The following RBM47 variants were observed in gnomAD, a reference collection of about 807,000 sequenced individuals.
The protein encoded by RBM47 is RNA binding motif protein 47.
A neutral mutation model predicts 47.1 loss-of-function variants in RBM47; 21 were observed. The ratio of observed to expected loss-of-function variants is 0.45; its 90% CI spans 0.32 to 0.64. The LOEUF (loss-of-function observed/expected upper bound fraction) is 0.64, where lower values mean the gene tolerates loss of function less well. Ranked by LOEUF, RBM47 falls within the 30% of genes least tolerant of loss-of-function variation. RBM47 has a pLI of 0.05. For missense variants in RBM47, 708 were observed against 870.9 expected (o/e 0.81, Z 2.35); for synonymous variants, 375 against 361.7 (o/e 1.04, Z -0.42).
chr4:40,569,295 CA>C (rs1385390317), intron 1 of RBM47, among the ~76,000 whole-genome samples: 1 of 151,912 alleles, frequency 6.6e-6, no homozygotes. Context: ...GAGTTTTCTT[CA>C]AAGGGCTAGC....
At chr4:40,448,181 G>A (rs2154218044) in intron 3 of RBM47, among the ~76,000 whole-genome samples, 1 of 152,128 alleles carries the variant, frequency 6.6e-6, no homozygotes, top group South Asian at 2.1e-4. Context: ...GGGTGACAGA[G>A]TGAGACTCCA....
intron 1 of RBM47, among the ~76,000 whole-genome samples, chr4:40,583,968 C>G (rs1733285837): frequency 6.6e-6 from 1 of 151,690 alleles, no homozygotes; most frequent in Non-Finnish European, 1.5e-5. Context: ...AATCTACCAT[C>G]AAACTCTGCA....
At chr4:40,506,011 C>T (rs1261966197) in intron 2 of RBM47, among the ~76,000 whole-genome samples, 2 of 152,170 alleles carry the variant, frequency 1.3e-5, no homozygotes, top group Admixed American at 1.3e-4. Flanking sequence ...GGGCAGTGAG[C>T]TGTAACCTTC....
intron 1 of RBM47, among the ~76,000 whole-genome samples, chr4:40,622,293 G>T (rs1302669105): frequency 6.6e-6 from 1 of 152,204 alleles, no homozygotes; most frequent in East Asian, 1.9e-4. Flanking sequence ...TAACCTGGAG[G>T]AGGCAGAGCA....
chr4:40,523,532 TC>T (rs1382962902), intron 2 of RBM47, among the ~76,000 whole-genome samples: 4 of 151,938 alleles, frequency 2.6e-5, no homozygotes, highest in Admixed American at 2.6e-4. Context: ...GCACCTGTAA[TC>T]CTAGCTACTC....
chr4:40,525,016 A>G (rs533469904), intron 2 of RBM47, among the ~76,000 whole-genome samples: 9 of 152,340 alleles, frequency 5.9e-5, no homozygotes, highest in Non-Finnish European at 1.3e-4. Flanking sequence ...AAATATTTTT[A>G]TGATCCAGTA....
Position 40,527,436 on chromosome 4 carries a change from A to ATTT in RBM47, c.-155+16983_-155+16985dup, listed in dbSNP as rs60524903. ...CAAGTAGCTGAGATCACACCTGGCA[A>ATTT]TTTTTTTTTTTTTTTTTTTTTTTTT... On this transcript the variant is annotated intron_variant, in intron 2 of 6. Transcript: ENST00000295971. Among the ~76,000 whole-genome samples the ATTT allele has an allele frequency of 9.4e-4, 98 of 104,694 alleles. 1 individual carries two copies. Among genetic ancestry groups the ATTT allele is most frequent in the African/African-American group, 2.8e-3 (71 of 25,794 alleles). 68.7% of individuals were successfully genotyped at this position (104,694 alleles called of 152,430 possible). A position where few individuals can be genotyped will look rare whatever the true frequency, so the allele number is the denominator to read the frequency against.
intron 1 of RBM47, among the ~76,000 whole-genome samples, chr4:40,569,053 A>G (rs1731422023): frequency 8.0e-6 from 1 of 124,574 alleles, no homozygotes; most frequent in Non-Finnish European, 1.7e-5. Context: ...ACAGACAGAT[A>G]GATAGATAGT....
chr4:40,445,621 G>C (rs978252305), intron 3 of RBM47, among the ~76,000 whole-genome samples: 1 of 152,190 alleles, frequency 6.6e-6, no homozygotes, highest in Non-Finnish European at 1.5e-5. Flanking sequence ...ATGCCAAATA[G>C]GTGAGAATTG....
At chr4:40,513,840 T>C (rs1355642364) in intron 2 of RBM47, among the ~76,000 whole-genome samples, 1 of 152,024 alleles carries the variant, frequency 6.6e-6, no homozygotes, top group South Asian at 2.1e-4. Context: ...TGCCTCAGCC[T>C]CCTGAGTAGC....
chr4:40,436,376 C>T (rs899735325), intron 5 of RBM47, 65 bp downstream of exon 5: 19 of 1,490,232 alleles, frequency 1.3e-5, no homozygotes, highest in Middle Eastern at 1.7e-4. Context: ...CGCTTGGATT[C>T]ACTTCAAACA....
intron 2 of RBM47, among the ~76,000 whole-genome samples, chr4:40,491,416 G>A: frequency 6.6e-6 from 1 of 152,086 alleles, no homozygotes. Context: ...GCTCAGGTAG[G>A]CAGCAGCCTT....
intron 1 of RBM47, among the ~76,000 whole-genome samples, chr4:40,608,038 G>T (rs1735922173): frequency 6.6e-6 from 1 of 151,994 alleles, no homozygotes; most frequent in Admixed American, 6.6e-5. Flanking sequence ...GGAGGTGGAG[G>T]TTGCAGTGAG....
chr4:40,600,904 G>A (rs1185795344), intron 1 of RBM47, among the ~76,000 whole-genome samples: 1 of 148,776 alleles, frequency 6.7e-6, no homozygotes, highest in Non-Finnish European at 1.5e-5. Flanking sequence ...AGAATCGCTT[G>A]AACCCGGGAG....
intron 1 of RBM47, among the ~76,000 whole-genome samples, chr4:40,575,501 G>A (rs1360312995): frequency 2.9e-5 from 4 of 138,586 alleles, no homozygotes; most frequent in East Asian, 2.2e-4. Context: ...GCGGTGAGTC[G>A]AGATCGTGCC....
At chr4:40,490,557 A>G (rs1463061420) in intron 2 of RBM47, among the ~76,000 whole-genome samples, 1 of 152,176 alleles carries the variant, frequency 6.6e-6, no homozygotes, top group Non-Finnish European at 1.5e-5. Flanking sequence ...AAAATAATAC[A>G]AGTGTTAAAA....
In RBM47 at chr4:40,425,808, G is replaced by T; in HGVS notation, c.*96C>A. On this transcript the variant is annotated 3_prime_UTR_variant, in exon 7 of 7. Coordinates refer to ENST00000295971, the MANE Select transcript of RBM47 (RefSeq NM_001098634.2). ...ATCTGCTAACATTCTTCACTTTCAGGTTGCATGTGTGAATCCAACATGTTC... is the reference window on the plus strand; with the variant it reads ...ATCTGCTAACATTCTTCACTTTCAGTTTGCATGTGTGAATCCAACATGTTC... 1 of 1,460,668 alleles carries T rather than the reference G, an allele frequency of 6.8e-7. No homozygotes were observed. Among genetic ancestry groups the T allele is most frequent in the Non-Finnish European group, 9.3e-7 (1 of 1,076,500 alleles). 90.5% of individuals were successfully genotyped at this position (1,460,668 alleles called of 1,614,324 possible).
At chr4:40,500,295 A>G (rs1348132728) in intron 2 of RBM47, among the ~76,000 whole-genome samples, 4 of 151,082 alleles carry the variant, frequency 2.6e-5, no homozygotes, top group Non-Finnish European at 5.9e-5. Flanking sequence ...CCTGGGCGAC[A>G]AGGGCCAGAC....
intron 1 of RBM47, among the ~76,000 whole-genome samples, chr4:40,570,530 G>C (rs1370861323): frequency 1.3e-5 from 2 of 151,976 alleles, no homozygotes; most frequent in African/African-American, 4.8e-5. Flanking sequence ...TGTAAATACA[G>C]ATGAAGCTGT....
Sources: gnomAD v4.1 joint callset for allele counts (sites outside exome capture counted in the v4.1 genomes callset) on GRCh38, gnomAD v4.1.1 for gene constraint, MANE v1.5 for transcripts, NCBI Gene and HGNC (gene_info 2026-07-23, HGNC 2026-07-21) for gene names.